Variants in LRP1B observed in about 807,000 individuals in gnomAD.
LRP1B encodes the protein LDL receptor related protein 1B.
Under a neutral mutation model 556.6 loss-of-function variants are expected in LRP1B, and 217 were observed. The ratio of observed to expected loss-of-function variants is 0.39; its 90% confidence interval spans 0.35 to 0.44. LRP1B has a LOEUF of 0.44. Among genes scored for constraint, LRP1B ranks in the 20% least tolerant of loss-of-function variants. The probability of loss-of-function intolerance (pLI) is 1.00; values close to 1 mark genes in which losing one functional copy is unlikely to be tolerated. For synonymous variants in LRP1B, 2,047 were observed against 1,865.8 expected (o/e 1.10, Z -2.50); for missense variants, 5,053 against 5,620.8 (o/e 0.90, Z 3.23).
At chr2:141,186,621 T>A (rs1186379139) in intron 7 of LRP1B, among the ~76,000 whole-genome samples, 1 of 152,034 alleles carries the variant, frequency 6.6e-6, no homozygotes, top group Non-Finnish European at 1.5e-5. Flanking sequence ...CCAAAGAACC[T>A]ATTCTGATAA....
chr2:140,810,863 G>A (rs533258295), intron 32 of LRP1B, among the ~76,000 whole-genome samples: 1 of 152,172 alleles, frequency 6.6e-6, no homozygotes, highest in South Asian at 2.1e-4. Context: ...CACCTCCCAA[G>A]TAGCTGGGAT....
chr2:141,507,428 A>G (rs1272888753), intron 2 of LRP1B, among the ~76,000 whole-genome samples: 2 of 152,192 alleles, frequency 1.3e-5, no homozygotes, highest in Non-Finnish European at 2.9e-5. Flanking sequence ...ATATTTTCCA[A>G]TTACAAAATT....
intron 66 of LRP1B, among the ~76,000 whole-genome samples, chr2:140,432,325 G>A (rs983180472): frequency 6.6e-6 from 1 of 152,040 alleles, no homozygotes; most frequent in Non-Finnish European, 1.5e-5. Context: ...GACTCAGCCC[G>A]CCTGCACCCA....
intron 79 of LRP1B, among the ~76,000 whole-genome samples, chr2:140,326,333 A>T (rs1680476020): frequency 6.6e-6 from 1 of 152,144 alleles, no homozygotes; most frequent in Non-Finnish European, 1.5e-5. Flanking sequence ...CTCAGAATAT[A>T]CAAGGTTCAT....
chr2:141,944,965 T>C (rs1258431499), intron 1 of LRP1B, among the ~76,000 whole-genome samples: 5 of 152,178 alleles, frequency 3.3e-5, no homozygotes, highest in Non-Finnish European at 5.9e-5. Flanking sequence ...AATATGTTTT[T>C]CTTATTTTCA....
At chr2:141,153,317 G>T (rs1488497781) in intron 7 of LRP1B, among the ~76,000 whole-genome samples, 9 of 107,998 alleles carry the variant, frequency 8.3e-5, no homozygotes, top group African/African-American at 1.7e-4. Context: ...ATATATATTA[G>T]CTATATATAT....
intron 41 of LRP1B, among the ~76,000 whole-genome samples, chr2:140,646,637 T>C (rs1220216766): frequency 2.6e-5 from 4 of 152,192 alleles, no homozygotes; most frequent in South Asian, 2.1e-4. Context: ...ATGTTAGTTA[T>C]CTTTTAAACA....
intron 7 of LRP1B, among the ~76,000 whole-genome samples, chr2:141,184,870 T>A (rs551511386): frequency 6.6e-6 from 1 of 152,078 alleles, no homozygotes; most frequent in Admixed American, 6.6e-5. Flanking sequence ...ACACTTCATT[T>A]TTTTTCTTAT....
chr2:140,347,843 A>G (rs1681763097), intron 77 of LRP1B, among the ~76,000 whole-genome samples: 1 of 152,016 alleles, frequency 6.6e-6, no homozygotes, highest in Non-Finnish European at 1.5e-5. Context: ...CGTCAGTATT[A>G]TTTAATATTT....
rs541015627 is a variant in LRP1B at position 141,003,801 on chromosome 2, A to T, written c.2503+1534T>A. ...TTACACAGTTTTTGTAAAGACTAATACAAATCACAAACTGTATTACAAAAT... is the reference window on the plus strand; with the variant it reads ...TTACACAGTTTTTGTAAAGACTAATTCAAATCACAAACTGTATTACAAAAT... On this transcript the variant is annotated intron_variant, in intron 15 of 90. Transcript: ENST00000389484. 1.4e-4 allele frequency among the ~76,000 whole-genome samples: 21 copies of T among 152,182 alleles called. No individual in the cohort carries two copies. The East Asian group carries it at 3.9e-3, about 28-fold the overall frequency.
At chr2:140,496,000 C>T (rs561914839) in intron 55 of LRP1B, among the ~76,000 whole-genome samples, 1 of 152,194 alleles carries the variant, frequency 6.6e-6, no homozygotes, top group East Asian at 1.9e-4. Flanking sequence ...ATTGCTAAGG[C>T]CGTGTGGTTA....
At chr2:141,713,626 A>G (rs1289272538) in intron 2 of LRP1B, among the ~76,000 whole-genome samples, 2 of 152,208 alleles carry the variant, frequency 1.3e-5, no homozygotes, top group African/African-American at 2.4e-5. Flanking sequence ...TTATTACCCT[A>G]GTAAATTGCC....
At chr2:141,604,065 A>G (rs1471673) in intron 2 of LRP1B, among the ~76,000 whole-genome samples, 1 of 151,898 alleles carries the variant, frequency 6.6e-6, no homozygotes, top group Admixed American at 6.6e-5. Flanking sequence ...AAAAGCTACC[A>G]AAAACAAAAC....
intron 43 of LRP1B, among the ~76,000 whole-genome samples, chr2:140,563,917 T>C (rs1279987976): frequency 6.6e-6 from 1 of 152,170 alleles, no homozygotes; most frequent in Non-Finnish European, 1.5e-5. Context: ...TGTTGTCTTT[T>C]GACACAGTCA....
chr2:140,514,592 A>G, intron 51 of LRP1B, 61 bp downstream of exon 51: 1 of 1,459,036 alleles, frequency 6.9e-7, no homozygotes, highest in South Asian at 1.6e-5. Flanking sequence ...TGTATGCTAT[A>G]AAATGATAGA....
intron 35 of LRP1B, among the ~76,000 whole-genome samples, chr2:140,723,110 T>C (rs1687473061): frequency 6.6e-6 from 1 of 152,142 alleles, no homozygotes; most frequent in African/African-American, 2.4e-5. Context: ...TCTTCATCAA[T>C]GCTAAGAGTG....
intron 11 of LRP1B, among the ~76,000 whole-genome samples, chr2:141,035,113 T>C (rs1340284248): frequency 2.0e-5 from 3 of 149,826 alleles, no homozygotes; most frequent in Non-Finnish European, 3.0e-5. Context: ...AAGGACAAAA[T>C]CAAACACCGC....
At chr2:141,540,990 C>A in intron 2 of LRP1B, among the ~76,000 whole-genome samples, 1 of 151,788 alleles carries the variant, frequency 6.6e-6, no homozygotes, top group East Asian at 1.9e-4. Context: ...AATATAACAT[C>A]AAAAAAACAA....
At chr2:141,405,007 G>T (rs1458742535) in intron 3 of LRP1B, among the ~76,000 whole-genome samples, 1 of 151,972 alleles carries the variant, frequency 6.6e-6, no homozygotes, top group Non-Finnish European at 1.5e-5. Flanking sequence ...CAGGAGAATG[G>T]GGTGAACTCG....
Sources: gnomAD v4.1 joint callset for allele counts (sites outside exome capture counted in the v4.1 genomes callset) on GRCh38, gnomAD v4.1.1 for gene constraint, MANE v1.5 for transcripts, NCBI Gene and HGNC (gene_info 2026-07-23, HGNC 2026-07-21) for gene names.